Variants in ARID2 observed in about 807,000 individuals in gnomAD.
ARID2 encodes the protein AT-rich interactive domain-containing protein 2.
In ARID2, 32 loss-of-function variants were observed where a neutral mutation model predicts 184.6. The observed-to-expected ratio is 0.17, with a 90% CI of 0.13 to 0.23. ARID2 has a LOEUF of 0.23. Among genes scored for constraint, ARID2 ranks in the 10% least tolerant of loss-of-function variants. The pLI is 1.00. For synonymous variants in ARID2, 836 were observed against 772.6 expected (o/e 1.08, Z -1.36); for missense variants, 1,696 against 2,197.6 (o/e 0.77, Z 4.56).
At position 45,851,097 on chromosome 12, in the gene ARID2, T is replaced by A. The variant is rs2138167834; in HGVS notation, c.2974T>A (p.Ser992Thr). ...AGTCCCTACTGCCATGTCGTCGTCC[T>A]CTACCCCTCAATCACAGGGACCACC... Reference protein sequence around the residue: ...NQVPTAMSSSSTPQSQGPPPT... With the variant: ...NQVPTAMSSSTTPQSQGPPPT... Residue 992 changes from serine (S) to threonine (T), a missense_variant, in exon 15 of 21, where the codon TCT becomes ACT. By Grantham distance (58) the Ser-to-Thr change is moderately conservative (BLOSUM62 1). Around this residue, in one of 11 missense-constraint regions of ARID2, gnomAD observed 713 missense variants for 824.4 expected, o/e 0.86. Coordinates refer to ENST00000334344, the MANE Select transcript of ARID2 (RefSeq NM_152641.4). 6.2e-7 allele frequency: 1 copy of A among 1,614,114 alleles called. No homozygotes were observed. The highest frequency in any genetic ancestry group is 1.6e-4 in the Middle Eastern group (1 of 6,062).
intron 3 of ARID2, among the ~76,000 whole-genome samples, chr12:45,751,384 C>G (rs1941462609): frequency 6.6e-6 from 1 of 152,138 alleles, no homozygotes; most frequent in African/African-American, 2.4e-5. Context: ...ATGAATAGAT[C>G]AGAGAGGTAC....
chr12:45,744,617 G>A (rs1473910792), intron 3 of ARID2, among the ~76,000 whole-genome samples: 1 of 151,838 alleles, frequency 6.6e-6, no homozygotes, highest in African/African-American at 2.4e-5. Flanking sequence ...GCTGGCCATT[G>A]ATTACATTAC....
In ARID2 at chr12:45,907,752, T is replaced by C. The variant is rs2136474798; in HGVS notation, c.*2674T>C. 4.3e-6 allele frequency: 1 copy of C among 232,974 alleles called. No individual in the cohort carries two copies. The highest frequency in any genetic ancestry group is 6.1e-5 in the East Asian group (1 of 16,396). 14.4% of individuals were successfully genotyped at this position (232,974 alleles called of 1,614,324 possible). ...TGTAAATACATGCTTTAATGTTATC[T>C]TTGAGAAATCTATGTAAATAATATA... On this transcript the variant is annotated 3_prime_UTR_variant, in exon 21 of 21. Transcript: ENST00000334344.
intron 3 of ARID2, chr12:45,789,448 A>G (rs1942253688): frequency 1.3e-5 from 2 of 152,050 alleles, no homozygotes; most frequent in Admixed American, 1.3e-4. Context: ...TAGTTCTTTG[A>G]TATTTGTTGA....
At chr12:45,847,944 T>TA (rs1943474534) in intron 12 of ARID2, among the ~76,000 whole-genome samples, 1 of 152,012 alleles carries the variant, frequency 6.6e-6, no homozygotes, top group Admixed American at 6.6e-5. Context: ...TTATATCTAG[T>TA]CTTTTTGAAA....
chr12:45,907,647 A>AC lies in ARID2; in HGVS notation c.*2572dup, dbSNP rs1424390733. On this transcript the variant is annotated 3_prime_UTR_variant, in exon 21 of 21. Transcript: ENST00000334344. The stretch of plus-strand genomic sequence containing the variant: ...GCTTTTGCACAATAAGTTCTGCAAA[A>AC]CCCTCTCATTCATGAAAAGGTGCTC... 1 of 232,922 alleles carries AC rather than the reference A, an allele frequency of 4.3e-6. No individual in the cohort carries two copies. Among genetic ancestry groups the AC allele is most frequent in the Non-Finnish European group, 8.5e-6 (1 of 117,762 alleles). The allele number at this position is 232,922 out of a possible 1,614,324, so 14.4% of individuals were successfully genotyped here.
chr12:45,844,419 A>G (rs1333094328), intron 11 of ARID2, among the ~76,000 whole-genome samples: 1 of 152,216 alleles, frequency 6.6e-6, no homozygotes, highest in East Asian at 1.9e-4. Flanking sequence ...AGGCAAGGGC[A>G]TTAAGCAGAA....
intron 3 of ARID2, among the ~76,000 whole-genome samples, chr12:45,810,923 A>G (rs1332597632): frequency 6.6e-6 from 1 of 152,120 alleles, no homozygotes; most frequent in South Asian, 2.1e-4. Flanking sequence ...GAACCATTGC[A>G]TTGAGGCCGG....
chr12:45,846,841 T>C lies in ARID2; in HGVS notation c.1499-15T>C, dbSNP rs1565620194. 1.2e-6 allele frequency: 2 copies of C among 1,611,004 alleles called. No homozygotes were observed. The highest frequency in any genetic ancestry group is 1.7e-6 in the Non-Finnish European group (2 of 1,177,960). On this transcript the variant is annotated splice_polypyrimidine_tract_variant and intron_variant, in intron 11 of 20. Coordinates refer to ENST00000334344, the MANE Select transcript of ARID2 (RefSeq NM_152641.4). ...CTTTTAAGAAATGATGTAGCTAATG[T>C]ATTTTTTTCTTTAGCTTCCAGAGCA...
intron 3 of ARID2, among the ~76,000 whole-genome samples, chr12:45,768,755 G>A (rs1941816865): frequency 6.6e-6 from 1 of 152,084 alleles, no homozygotes; most frequent in Admixed American, 6.5e-5. Flanking sequence ...CTCAAACATT[G>A]GCCCCCGAAA....
In ARID2 at chr12:45,858,143, A is replaced by G. The variant is rs537196114; in HGVS notation, c.4774-2658A>G. Among the ~76,000 whole-genome samples the G allele has an allele frequency of 4.6e-5, 7 of 151,882 alleles. No homozygotes were observed. In the South Asian group the frequency reaches 1.5e-3, roughly 32 times the overall value. On this transcript the variant is annotated intron_variant, in intron 15 of 20. Transcript: ENST00000334344. Reference sequence around the variant, plus strand: ...GGTTTTGAAAGTGTCTTTCCTTCTCACCTCTTCTTTAGAATACTCTTTCCC... The same window carrying G: ...GGTTTTGAAAGTGTCTTTCCTTCTCGCCTCTTCTTTAGAATACTCTTTCCC...
chr12:45,876,569 GAA>G lies in ARID2; in HGVS notation c.4923-15199_4923-15198del, dbSNP rs34953202. On this transcript the variant is annotated intron_variant, in intron 16 of 20. Transcript: ENST00000334344. ...TCCATCTCAAAAAAAGAAAAAAAAG[GAA>G]AAAAAAAAAAAGACACAGAACATTT... 2.9e-4 allele frequency among the ~76,000 whole-genome samples: 40 copies of G among 135,652 alleles called. No individual in the cohort carries two copies. In the East Asian group the frequency reaches 3.4e-3, roughly 12 times the overall value. The allele number at this position is 135,652 out of a possible 152,430, so 89.0% of individuals were successfully genotyped here.
intron 16 of ARID2, among the ~76,000 whole-genome samples, chr12:45,862,916 C>T (rs1943773051): frequency 1.3e-5 from 2 of 151,566 alleles, no homozygotes; most frequent in African/African-American, 4.9e-5. Context: ...CATAGCTTTT[C>T]ACTACTGCAT....
chr12:45,858,709 GGATCA>G (rs1943694401), intron 15 of ARID2, among the ~76,000 whole-genome samples: 1 of 152,136 alleles, frequency 6.6e-6, no homozygotes. Flanking sequence ...AGAAAACTGA[GGATCA>G]GAGAGGTTAA....
chr12:45,886,014 G>A (rs1240694757), intron 16 of ARID2, among the ~76,000 whole-genome samples: 2 of 152,106 alleles, frequency 1.3e-5, no homozygotes, highest in Non-Finnish European at 2.9e-5. Flanking sequence ...CTTTCCAGGA[G>A]TCCCCCAGAG....
intron 20 of ARID2, chr12:45,904,232 A>C: frequency 3.3e-6 from 2 of 611,148 alleles, no homozygotes; most frequent in Non-Finnish European, 5.9e-6. Context: ...ATGAAGACTA[A>C]GAAGCTTTAA....
At chr12:45,865,312 A>G (rs893902716) in intron 16 of ARID2, among the ~76,000 whole-genome samples, 2 of 152,082 alleles carry the variant, frequency 1.3e-5, no homozygotes, top group Non-Finnish European at 2.9e-5. Context: ...TCTTTGTCCT[A>G]TGTCATACTC....
chr12:45,730,066 G>T lies in ARID2; in HGVS notation c.115G>T (p.Ala39Ser), dbSNP rs751021716. 1.3e-5 allele frequency: 21 copies of T among 1,613,516 alleles called. No homozygotes were observed. Among genetic ancestry groups the T allele is most frequent in the Non-Finnish European group, 1.7e-5 (20 of 1,179,782 alleles). The change falls in exon 2 of 21, where the codon GCG becomes TCG. Residue 39 changes from alanine (A) to serine (S), a missense_variant. Ala to Ser is a moderately conservative substitution (Grantham distance 99). Transcript: ENST00000334344. ...SRGSPFKKIP[A>S]VGGKELDLHG... Reference sequence around the variant, plus strand: ...CAGGTCGCCTTTTAAAAAAATCCCTGCGGTGGGTGGGAAGGAGCTGGATCT... The same window carrying T: ...CAGGTCGCCTTTTAAAAAAATCCCTTCGGTGGGTGGGAAGGAGCTGGATCT...
rs1565624251 is a variant in ARID2, at chr12:45,852,021, A to G, written c.3898A>G (p.Ser1300Gly). Residue 1300 changes from serine (S) to glycine (G), a missense_variant, in exon 15 of 21, where the codon AGT (serine) becomes GGT (glycine). Physicochemically the swap from Ser to Gly is moderately conservative, Grantham distance 56. Coordinates refer to ENST00000334344, the MANE Select transcript of ARID2 (RefSeq NM_152641.4). ...AAGTCTTTTAAATGGGAGAAAGTAC[A>G]GTGACTCAAGTCTACCTCCTTCAAA... ...VGSLLNGRKY[S>G]DSSLPPSNSG... The G allele has an allele frequency of 1.9e-6, 3 of 1,614,160 alleles. No homozygotes were observed. The highest frequency in any genetic ancestry group is 2.5e-6 in the Non-Finnish European group (3 of 1,180,006).
Sources: allele counts gnomAD v4.1 joint callset (sites outside exome capture counted in the v4.1 genomes callset), GRCh38; gene constraint gnomAD v4.1.1; regional missense constraint gnomAD v4.1.1; transcripts MANE v1.5; gene names NCBI Gene and HGNC (gene_info 2026-07-23, HGNC 2026-07-21).